The following AOPEP variants were observed in gnomAD, a reference collection of about 807,000 sequenced individuals.
AOPEP encodes aminopeptidase O (putative), also known as aminopeptidase O.
A neutral mutation model predicts 98.1 loss-of-function variants in AOPEP; 77 were observed. The ratio of observed to expected loss-of-function variants is 0.78; its 90% confidence interval spans 0.65 to 0.95. AOPEP has a LOEUF of 0.95. Ranked by LOEUF, AOPEP falls within the 40% of genes least tolerant of loss-of-function variation. The pLI is 0.00. For missense variants in AOPEP, 1,024 were observed against 1,024.7 expected (o/e 1.00, Z 0.01); for synonymous variants, 346 against 365.3 (o/e 0.95, Z 0.60).
intron 7 of AOPEP, among the ~76,000 whole-genome samples, chr9:94,935,756 C>T (rs1288526296): frequency 2.0e-5 from 3 of 152,160 alleles, no homozygotes; most frequent in Non-Finnish European, 4.4e-5. Flanking sequence ...GCCAAAGGCT[C>T]CCAAGTCTCC....
the AOPEP span, chr9:95,126,397 AG>A: frequency 1.1e-6 from 1 of 885,990 alleles, no homozygotes; most frequent in Non-Finnish European, 1.8e-6. Flanking sequence ...AAAAGCTCAG[AG>A]GAACAGGAGG....
At chr9:94,884,778 G>C (rs1471501474) in intron 5 of AOPEP, among the ~76,000 whole-genome samples, 1 of 151,854 alleles carries the variant, frequency 6.6e-6, no homozygotes. Context: ...TTGGGAGGCC[G>C]AGGCGGGCGG....
intron 4 of AOPEP, among the ~76,000 whole-genome samples, chr9:94,794,517 T>G (rs1026965936): frequency 6.6e-6 from 1 of 152,238 alleles, no homozygotes; most frequent in Non-Finnish European, 1.5e-5. Flanking sequence ...CTTTCAGAGA[T>G]GAAGCTATGT....
chr9:95,075,085 C>T (rs962013010), intron 14 of AOPEP, among the ~76,000 whole-genome samples: 1 of 152,174 alleles, frequency 6.6e-6, no homozygotes, highest in Admixed American at 6.5e-5. Context: ...CCTTCCCTCC[C>T]ACACCAACTT....
At chr9:94,908,506 A>G (rs180731325) in intron 5 of AOPEP, among the ~76,000 whole-genome samples, 3 of 152,276 alleles carry the variant, frequency 2.0e-5, no homozygotes, top group Admixed American at 2.0e-4. Context: ...GGGAGCTAAC[A>G]TTTGTGGGAT....
chr9:94,903,452 C>T (rs1318785714), intron 5 of AOPEP, among the ~76,000 whole-genome samples: 3 of 151,734 alleles, frequency 2.0e-5, no homozygotes, highest in Admixed American at 1.3e-4. Flanking sequence ...TTACAGTAAT[C>T]GAATTGGTTG....
At chr9:95,064,737 T>G (rs557088000) in intron 14 of AOPEP, among the ~76,000 whole-genome samples, 1 of 152,308 alleles carries the variant, frequency 6.6e-6, no homozygotes, top group East Asian at 1.9e-4. Context: ...AAGGTGGAAG[T>G]TGTGAGTCCA....
intron 5 of AOPEP, among the ~76,000 whole-genome samples, chr9:94,818,998 A>G (rs1852348184): frequency 6.6e-6 from 1 of 152,252 alleles, no homozygotes; most frequent in Non-Finnish European, 1.5e-5. Context: ...CGTCTCAAAA[A>G]ACAAAAGCAA....
intron 1 of AOPEP, among the ~76,000 whole-genome samples, chr9:94,735,154 T>C (rs931511063): frequency 6.6e-6 from 1 of 152,236 alleles, no homozygotes; most frequent in African/African-American, 2.4e-5. Flanking sequence ...ACTAGATACA[T>C]AAAAATTATC....
At chr9:95,119,435 G>C in the AOPEP span, among the ~76,000 whole-genome samples, 1 of 148,406 alleles carries the variant, frequency 6.7e-6, no homozygotes, top group Non-Finnish European at 1.5e-5. Context: ...GTGTGATCTT[G>C]GCTCCCTGCA....
intron 13 of AOPEP, among the ~76,000 whole-genome samples, chr9:95,009,598 T>G (rs2062332138): frequency 6.6e-6 from 1 of 152,238 alleles, no homozygotes; most frequent in South Asian, 2.1e-4. Context: ...TAAGGTTGGC[T>G]ATTACGTGTA....
chr9:94,828,933 A>G (rs549374707), intron 5 of AOPEP, among the ~76,000 whole-genome samples: 5 of 151,426 alleles, frequency 3.3e-5, no homozygotes, highest in Non-Finnish European at 5.9e-5. Context: ...CAGTGGCCCA[A>G]TCTCGACTCA....
At chr9:95,009,315 ACT>A (rs1276686157) in intron 13 of AOPEP, among the ~76,000 whole-genome samples, 11 of 151,556 alleles carry the variant, frequency 7.3e-5, no homozygotes, top group African/African-American at 1.5e-4. Flanking sequence ...AGATTTAGTA[ACT>A]CTTTTATCAA....
intron 5 of AOPEP, among the ~76,000 whole-genome samples, chr9:94,906,457 A>ATAC: frequency 8.4e-6 from 1 of 119,376 alleles, no homozygotes; most frequent in South Asian, 2.7e-4. Flanking sequence ...CCTGTCTGAA[A>ATAC]TAATAATAAT....
chr9:94,978,136 A>G (rs72750351), intron 10 of AOPEP, among the ~76,000 whole-genome samples: 1 of 152,120 alleles, frequency 6.6e-6, no homozygotes, highest in East Asian at 1.9e-4. Context: ...AGGGTCGCAG[A>G]GGGGTGCACT....
At chr9:95,109,857 C>G in the AOPEP span, 1 of 152,236 alleles carries the variant, frequency 6.6e-6, no homozygotes, top group African/African-American at 2.4e-5. Context: ...CTCAAGCCTC[C>G]CAACAGACCA....
chr9:95,036,933 G>A (rs1341291164), intron 13 of AOPEP, among the ~76,000 whole-genome samples: 10 of 152,148 alleles, frequency 6.6e-5, no homozygotes, highest in Non-Finnish European at 1.5e-4. Context: ...ATTGTCATGG[G>A]ATGGATGCTC....
In AOPEP at chr9:94,814,155, G is replaced by A. The variant is rs560556913; in HGVS notation, c.1364+13153G>A. ...CTGAATTGTTAATATAAGATTAATA[G>A]GTGTGGTTTATTACCACACAAACAC... On this transcript the variant is annotated intron_variant, in intron 5 of 16. Coordinates refer to ENST00000375315, the MANE Select transcript of AOPEP (RefSeq NM_001193329.3). Among the ~76,000 whole-genome samples, 22 of 152,272 alleles carry A rather than the reference G, an allele frequency of 1.4e-4. 1 individual carries two copies. In the South Asian group the frequency reaches 4.6e-3, roughly 32 times the overall value.
At chr9:94,881,828 A>G (rs778303625) in intron 5 of AOPEP, among the ~76,000 whole-genome samples, 18 of 152,246 alleles carry the variant, frequency 1.2e-4, no homozygotes, top group Non-Finnish European at 2.4e-4. Context: ...AATTGAATCT[A>G]AAATGATTTT....
Sources: allele counts gnomAD v4.1 joint callset (sites outside exome capture counted in the v4.1 genomes callset), GRCh38; gene constraint gnomAD v4.1.1; transcripts MANE v1.5; gene names NCBI Gene and HGNC (gene_info 2026-07-23, HGNC 2026-07-21).